The following ALK variants were observed in gnomAD, a reference collection of about 807,000 sequenced individuals.
ALK encodes the protein ALK tyrosine kinase receptor.
A neutral mutation model predicts 163.1 loss-of-function variants in ALK; 74 were observed. That is an observed-to-expected ratio of 0.45 (90% CI 0.38 to 0.55). The LOEUF is 0.55. ALK is among the 20% of genes least tolerant of loss of function. The probability of loss-of-function intolerance (pLI) is 0.00; values close to 1 mark genes in which losing one functional copy is unlikely to be tolerated. For synonymous variants in ALK, 960 were observed against 843.2 expected (o/e 1.14, Z -2.40); for missense variants, 2,063 against 2,105.3 (o/e 0.98, Z 0.39).
intron 1 of ALK, among the ~76,000 whole-genome samples, chr2:29,834,612 G>C (rs904280398): frequency 1.3e-5 from 2 of 152,154 alleles, no homozygotes; most frequent in African/African-American, 4.8e-5. Context: ...ATGAAAAACT[G>C]AGATTGCAAT....
chr2:29,432,533 A>G (rs1417086468), intron 4 of ALK, among the ~76,000 whole-genome samples: 1 of 152,134 alleles, frequency 6.6e-6, no homozygotes, highest in Non-Finnish European at 1.5e-5. Flanking sequence ...AGCAATGCAA[A>G]TGGACAATCA....
intron 3 of ALK, among the ~76,000 whole-genome samples, chr2:29,676,573 A>T (rs943306550): frequency 6.6e-6 from 1 of 151,992 alleles, no homozygotes; most frequent in East Asian, 1.9e-4. Context: ...CTTTATAGTA[A>T]GTTTTGAAAT....
chr2:29,900,977 GAA>G lies in ALK; in HGVS notation c.667+19014_667+19015del, dbSNP rs1357702809. 2.9e-3 allele frequency among the ~76,000 whole-genome samples: 415 copies of G among 144,158 alleles called. 2 individuals carry two copies. Among genetic ancestry groups the G allele is most frequent in the African/African-American group, 9.6e-3 (376 of 39,220 alleles). 94.6% of individuals were successfully genotyped at this position (144,158 alleles called of 152,430 possible). A position where few individuals can be genotyped will look rare whatever the true frequency, so the allele number is the denominator to read the frequency against. On this transcript the variant is annotated intron_variant, in intron 1 of 28. Transcript: ENST00000389048. ...ACAGCTGAATGTCTTAAGAAAGAAAGAAAGAGAGAGAGAGAGAGAGCAAGCAA... is the reference window on the plus strand; with the variant it reads ...ACAGCTGAATGTCTTAAGAAAGAAAGAGAGAGAGAGAGAGAGAGCAAGCAA...
Position 29,920,707 on chromosome 2 carries a change from C to T in ALK, c.-48G>A. 1 of 1,483,008 alleles carries T rather than the reference C, an allele frequency of 6.7e-7. No homozygotes were observed. Among genetic ancestry groups the T allele is most frequent in the East Asian group, 2.5e-5 (1 of 40,584 alleles). The allele number at this position is 1,483,008 out of a possible 1,614,324, so 91.9% of individuals were successfully genotyped here. On this transcript the variant is annotated 5_prime_UTR_variant, in exon 1 of 29. Coordinates refer to ENST00000389048, the MANE Select transcript of ALK (RefSeq NM_004304.5). ...ACTGCTCTCCGGGCCCAGCCTCACC[C>T]TTCGCTCTCCCCGAGATGGGAAGAG...
chr2:29,312,133 C>A (rs1337267673), intron 8 of ALK, among the ~76,000 whole-genome samples: 2 of 152,068 alleles, frequency 1.3e-5, no homozygotes, highest in Non-Finnish European at 2.9e-5. Context: ...AGGCCAAACC[C>A]TCCAGATTCA....
At chr2:29,611,436 T>G (rs1468197477) in intron 3 of ALK, among the ~76,000 whole-genome samples, 1 of 152,228 alleles carries the variant, frequency 6.6e-6, no homozygotes, top group African/African-American at 2.4e-5. Context: ...TAATTCTCAC[T>G]ACAACCCTGT....
chr2:29,658,935 A>G (rs1677269475), intron 3 of ALK, among the ~76,000 whole-genome samples: 2 of 152,158 alleles, frequency 1.3e-5, no homozygotes, highest in South Asian at 4.1e-4. Flanking sequence ...CTTGCATTTA[A>G]TTCAAAATTA....
At chr2:29,767,114 T>C (rs1452978340) in intron 1 of ALK, among the ~76,000 whole-genome samples, 1 of 152,244 alleles carries the variant, frequency 6.6e-6, no homozygotes, top group Non-Finnish European at 1.5e-5. Context: ...TAGGACCTAC[T>C]ATGCACCAGG....
intron 5 of ALK, among the ~76,000 whole-genome samples, chr2:29,382,969 T>G (rs1022656786): frequency 1.3e-5 from 2 of 152,172 alleles, no homozygotes; most frequent in Non-Finnish European, 2.9e-5. Flanking sequence ...GAGAATCCCT[T>G]TCACACACCA....
intron 3 of ALK, among the ~76,000 whole-genome samples, chr2:29,577,295 T>A (rs961542647): frequency 3.3e-5 from 5 of 152,172 alleles, no homozygotes; most frequent in Non-Finnish European, 5.9e-5. Context: ...AGTTTCTTCA[T>A]ATGGAAGTAA....
At chr2:29,272,247 C>T (rs1290417970) in intron 11 of ALK, among the ~76,000 whole-genome samples, 1 of 151,988 alleles carries the variant, frequency 6.6e-6, no homozygotes, top group African/African-American at 2.4e-5. Flanking sequence ...TCACATTACC[C>T]CAATCATTTG....
chr2:29,428,179 T>G (rs1352354920), intron 4 of ALK, among the ~76,000 whole-genome samples: 1 of 151,944 alleles, frequency 6.6e-6, no homozygotes, highest in Non-Finnish European at 1.5e-5. Context: ...AAAAAGAAGA[T>G]AGTTGTCAAG....
chr2:29,569,562 T>TTA (rs1674294781), intron 3 of ALK, among the ~76,000 whole-genome samples: 1 of 77,000 alleles, frequency 1.3e-5, no homozygotes, highest in Admixed American at 1.5e-4. Context: ...TTCCCTTTTC[T>TTA]TCCCCCCCCC....
chr2:29,882,229 C>G (rs548137797), intron 1 of ALK, among the ~76,000 whole-genome samples: 3 of 151,930 alleles, frequency 2.0e-5, no homozygotes, highest in African/African-American at 7.3e-5. Flanking sequence ...ACTGTCAGAC[C>G]GGAAAGTTTA....
intron 1 of ALK, among the ~76,000 whole-genome samples, chr2:29,752,591 G>A (rs1397050280): frequency 6.6e-6 from 1 of 151,678 alleles, no homozygotes; most frequent in Non-Finnish European, 1.5e-5. Context: ...CTCGTGATCC[G>A]CCCGTCTCGG....
At chr2:29,598,780 T>G (rs1675287926) in intron 3 of ALK, among the ~76,000 whole-genome samples, 1 of 152,210 alleles carries the variant, frequency 6.6e-6, no homozygotes, top group African/African-American at 2.4e-5. Flanking sequence ...TTTTATTTTC[T>G]TATTTCATAC....
intron 1 of ALK, among the ~76,000 whole-genome samples, chr2:29,795,242 T>C (rs1295824509): frequency 6.6e-6 from 1 of 152,102 alleles, no homozygotes; most frequent in African/African-American, 2.4e-5. Flanking sequence ...GCCTCGCTGG[T>C]AAGCAAAGAA....
At chr2:29,830,955 A>AG (rs1365660150) in intron 1 of ALK, among the ~76,000 whole-genome samples, 14 of 27,734 alleles carry the variant, frequency 5.0e-4, no homozygotes, top group African/African-American at 1.7e-3. Flanking sequence ...AAGAAGAAGA[A>AG]AAGAAGAAGA....
chr2:29,787,804 G>A (rs1664077146), intron 1 of ALK, among the ~76,000 whole-genome samples: 1 of 150,442 alleles, frequency 6.6e-6, no homozygotes, highest in East Asian at 1.9e-4. Flanking sequence ...GGGACCAAAT[G>A]ACCTACATCC....
Sources: allele counts gnomAD v4.1 joint callset (sites outside exome capture counted in the v4.1 genomes callset), GRCh38; gene constraint gnomAD v4.1.1; transcripts MANE v1.5; gene names NCBI Gene and HGNC (gene_info 2026-07-23, HGNC 2026-07-21).